The following NLGN1 variants were observed in gnomAD, a reference collection of about 807,000 sequenced individuals.
NLGN1 encodes the protein neuroligin-1.
NLGN1 carries 12 observed loss-of-function variants against 65.5 expected under a neutral mutation model. The observed-to-expected ratio is 0.18, with a 90% CI of 0.12 to 0.30. NLGN1 has a LOEUF of 0.30. Ranked by LOEUF, NLGN1 falls within the 10% of genes least tolerant of loss-of-function variation. NLGN1 has a pLI of 1.00. For synonymous variants in NLGN1, 350 were observed against 359.5 expected (o/e 0.97, Z 0.30); for missense variants, 750 against 1,007.1 (o/e 0.74, Z 3.46).
chr3:173,598,766 A>T (rs963174196), intron 2 of NLGN1, among the ~76,000 whole-genome samples: 1 of 152,146 alleles, frequency 6.6e-6, no homozygotes, highest in Non-Finnish European at 1.5e-5. Flanking sequence ...AGACTTTGAG[A>T]TGAAGGTTTG....
At chr3:173,898,958 G>GC (rs1243509283) in intron 4 of NLGN1, among the ~76,000 whole-genome samples, 56 of 152,238 alleles carry the variant, frequency 3.7e-4, no homozygotes, top group Admixed American at 2.8e-3. Flanking sequence ...TAAAAATGAA[G>GC]TTTGATCTGG....
chr3:173,892,348 A>G (rs1735506694), intron 4 of NLGN1, among the ~76,000 whole-genome samples: 1 of 151,924 alleles, frequency 6.6e-6, no homozygotes, highest in Admixed American at 6.6e-5. Context: ...TTTTTCAGAT[A>G]TGTTGTGACC....
chr3:173,588,090 C>T (rs1234513530), intron 2 of NLGN1, among the ~76,000 whole-genome samples: 1 of 152,074 alleles, frequency 6.6e-6, no homozygotes, highest in Non-Finnish European at 1.5e-5. Flanking sequence ...TAAAAAAGAA[C>T]AAAAACCAAC....
At chr3:173,837,916 T>C (rs1486462035) in intron 4 of NLGN1, among the ~76,000 whole-genome samples, 1 of 152,326 alleles carries the variant, frequency 6.6e-6, no homozygotes, top group Non-Finnish European at 1.5e-5. Context: ...TATTACTGAT[T>C]TGAAATTTTT....
chr3:174,067,918 T>G (rs1427548466), intron 4 of NLGN1, among the ~76,000 whole-genome samples: 1 of 152,222 alleles, frequency 6.6e-6, no homozygotes, highest in East Asian at 1.9e-4. Flanking sequence ...GTATCTGTTC[T>G]ACGAATAGCA....
intron 4 of NLGN1, among the ~76,000 whole-genome samples, chr3:173,884,346 C>T (rs1044467049): frequency 6.6e-6 from 1 of 152,110 alleles, no homozygotes; most frequent in South Asian, 2.1e-4. Context: ...GCAAACATCC[C>T]GTCCTAGTCT....
intron 4 of NLGN1, among the ~76,000 whole-genome samples, chr3:173,931,374 A>G (rs1397386222): frequency 6.6e-6 from 1 of 152,162 alleles, no homozygotes; most frequent in East Asian, 1.9e-4. Context: ...CATAAGGAAC[A>G]TGGAGGGTTA....
intron 4 of NLGN1, among the ~76,000 whole-genome samples, chr3:173,850,798 A>C (rs1448259980): frequency 6.6e-6 from 1 of 152,086 alleles, no homozygotes; most frequent in African/African-American, 2.4e-5. Flanking sequence ...GTGCAGTGGC[A>C]CAATCATGAT....
chr3:173,460,031 CAAT>C (rs914018007), intron 2 of NLGN1, among the ~76,000 whole-genome samples: 8 of 151,872 alleles, frequency 5.3e-5, no homozygotes, highest in Non-Finnish European at 7.4e-5. Context: ...ATACAATAAA[CAAT>C]AATTTTAAAA....
intron 2 of NLGN1, among the ~76,000 whole-genome samples, chr3:173,490,996 T>C (rs1189858837): frequency 6.6e-6 from 1 of 151,934 alleles, no homozygotes; most frequent in Non-Finnish European, 1.5e-5. Context: ...GATTTTGGGC[T>C]GTGACGATGG....
At chr3:174,220,745 C>T (rs1738496254) in intron 4 of NLGN1, among the ~76,000 whole-genome samples, 1 of 152,044 alleles carries the variant, frequency 6.6e-6, no homozygotes, top group African/African-American at 2.4e-5. Context: ...CATGGTTGTG[C>T]TTTCCCTGTA....
chr3:174,130,559 C>T (rs932693950), intron 4 of NLGN1, among the ~76,000 whole-genome samples: 3 of 151,966 alleles, frequency 2.0e-5, no homozygotes, highest in Non-Finnish European at 4.4e-5. Flanking sequence ...TTATTCACTC[C>T]ACAGAGTTTT....
intron 3 of NLGN1, among the ~76,000 whole-genome samples, chr3:173,751,640 A>G (rs1434059707): frequency 6.6e-6 from 1 of 152,100 alleles, no homozygotes; most frequent in African/African-American, 2.4e-5. Flanking sequence ...CAGTCTAGAT[A>G]AGCAAATCAA....
intron 4 of NLGN1, among the ~76,000 whole-genome samples, chr3:174,254,630 G>A (rs1745341432): frequency 6.6e-6 from 1 of 151,796 alleles, no homozygotes; most frequent in Non-Finnish European, 1.5e-5. Context: ...GTTTTCCATA[G>A]TGATTTTATC....
At position 173,776,737 on chromosome 3, in the gene NLGN1, C is replaced by T. The variant is rs574351042; in HGVS notation, c.494-30943C>T. ...CGTATATAAAAGTAATGTGGTTGAC[C>T]TTACCACATTAGGTGACAGATTTGG... is the stretch of plus-strand genomic sequence containing the variant. On this transcript the variant is annotated intron_variant, in intron 3 of 6. Coordinates refer to ENST00000457714, the Ensembl canonical transcript of NLGN1. Among the ~76,000 whole-genome samples, 12 of 152,000 alleles carry T rather than the reference C, an allele frequency of 7.9e-5. No individual in the cohort carries two copies. In the South Asian group the frequency reaches 1.5e-3, roughly 18 times the overall value.
intron 4 of NLGN1, among the ~76,000 whole-genome samples, chr3:174,264,271 A>G (rs1386050989): frequency 3.3e-5 from 5 of 151,296 alleles, no homozygotes; most frequent in Admixed American, 3.3e-4. Context: ...AATATCCTGC[A>G]GAGTGTTTTC....
chr3:173,842,887 A>T (rs1725045621), intron 4 of NLGN1, among the ~76,000 whole-genome samples: 4 of 151,950 alleles, frequency 2.6e-5, no homozygotes, highest in African/African-American at 2.4e-5. Flanking sequence ...CCTAGGATGG[A>T]CTCTGTGTAG....
intron 3 of NLGN1, among the ~76,000 whole-genome samples, chr3:173,772,240 T>C (rs752262682): frequency 1.5e-4 from 23 of 152,184 alleles, no homozygotes; most frequent in Non-Finnish European, 2.6e-4. Context: ...GAAAGAGCAG[T>C]TTTTATTATA....
chr3:174,071,033 C>T (rs1329540154), intron 4 of NLGN1, among the ~76,000 whole-genome samples: 1 of 151,548 alleles, frequency 6.6e-6, no homozygotes, highest in African/African-American at 2.4e-5. Flanking sequence ...CCAGCCTGGG[C>T]GAGGGAATAA....
Sources: allele counts gnomAD v4.1 joint callset (sites outside exome capture counted in the v4.1 genomes callset), GRCh38; gene constraint gnomAD v4.1.1; transcripts MANE v1.5; gene names NCBI Gene and HGNC (gene_info 2026-07-23, HGNC 2026-07-21).